The following LAMC3 variants were observed in gnomAD, a reference collection of about 807,000 sequenced individuals.
The protein encoded by LAMC3 is laminin subunit gamma-3.
A neutral mutation model predicts 173.8 loss-of-function variants in LAMC3; 128 were observed. The observed-to-expected ratio is 0.74, with a 90% CI of 0.64 to 0.85. The LOEUF is 0.85. Among genes scored for constraint, LAMC3 ranks in the 40% least tolerant of loss-of-function variants. LAMC3 has a pLI of 0.00. For missense variants in LAMC3, 2,022 were observed against 2,156.0 expected, an observed-to-expected ratio of 0.94 and a Z score of 1.23; for synonymous variants, 897 against 909.1, an observed-to-expected ratio of 0.99 and a Z score of 0.24.
At position 131,052,985 on chromosome 9, in the gene LAMC3, T is replaced by A; in HGVS notation, c.1939+20T>A. On this transcript the variant is annotated intron_variant, in intron 11 of 27. Transcript: ENST00000361069. The stretch of plus-strand genomic sequence containing the variant: ...CTGCCGGTCAGTAAAGACAACCACA[T>A]GCCCAAGACCCGAGTGCTTGCCAGG... 6.4e-7 allele frequency: 1 copy of A among 1,551,770 alleles called. No individual in the cohort carries two copies. The highest frequency in any genetic ancestry group is 8.9e-7 in the Non-Finnish European group (1 of 1,126,690).
chr9:131,054,101 C>A (rs1290782404), intron 11 of LAMC3, among the ~76,000 whole-genome samples: 2 of 152,084 alleles, frequency 1.3e-5, no homozygotes, highest in South Asian at 4.2e-4. Flanking sequence ...GGTTTTTCTA[C>A]CCTTCCAGCA....
In LAMC3 at chr9:131,068,911, CA is replaced by C; in HGVS notation, c.2753del (p.Lys918SerfsTer103). 1 of 1,614,044 alleles carries C rather than the reference CA, an allele frequency of 6.2e-7. No individual in the cohort carries two copies. Among genetic ancestry groups the C allele is most frequent in the Non-Finnish European group, 8.5e-7 (1 of 1,180,026 alleles). ...CCAGTTCCTTCCCTGATCACAGCTG[CA>C]AGTGTCACCCACTGGGCTCCCAGGA... ...LQPGRGCRSCKCHPLGSQEDQ... is the reference protein window; with the variant it reads ...LQPGRGCRSCXCHPLGSQEDQ... On this transcript the variant is annotated frameshift_variant, in exon 16 of 28. Coordinates refer to ENST00000361069, the MANE Select transcript of LAMC3 (RefSeq NM_006059.4). LOFTEE classifies it high-confidence loss of function.
rs1303924952 is a variant in LAMC3 at position 131,069,880 on chromosome 9, C to G, written c.3069+30C>G. ...GTCGGCCCAGACCCACTCACCTTTC[C>G]ATTCATTCTGTATTCCCAGCAAGTG... is the stretch of plus-strand genomic sequence containing the variant. On this transcript the variant is annotated intron_variant, in intron 17 of 27. Coordinates refer to ENST00000361069, the MANE Select transcript of LAMC3 (RefSeq NM_006059.4). The G allele has an allele frequency of 3.2e-6, 5 of 1,557,720 alleles. No homozygotes were observed. In the African/African-American group the frequency reaches 6.8e-5, roughly 21 times the overall value.
chr9:131,035,848 C>G (rs1295036033), intron 3 of LAMC3, among the ~76,000 whole-genome samples: 1 of 152,186 alleles, frequency 6.6e-6, no homozygotes, highest in Admixed American at 6.5e-5. Flanking sequence ...TGGGGCTCCT[C>G]CCAGGCAGAA....
chr9:131,052,575 C>T lies in LAMC3; in HGVS notation c.1715C>T (p.Pro572Leu), dbSNP rs761645362. Residue 572 changes from proline (P) to leucine (L), a missense_variant, in exon 10 of 28, where the codon CCT (proline) becomes CTT (leucine). Coordinates refer to ENST00000361069, the MANE Select transcript of LAMC3 (RefSeq NM_006059.4). ...FRVPPGDSPLPVQLRLEGTGL... is the reference protein window; with the variant it reads ...FRVPPGDSPLLVQLRLEGTGL... ...GTGCCCCCCGGGGACTCCCCACTCCCTGTACAGCTGAGGCTGGAAGGGACA... is the reference window on the plus strand; with the variant it reads ...GTGCCCCCCGGGGACTCCCCACTCCTTGTACAGCTGAGGCTGGAAGGGACA... The T allele has an allele frequency of 1.9e-6, 3 of 1,614,150 alleles. No homozygotes were observed. The East Asian group carries it at 6.7e-5, about 36-fold the overall frequency.
At chr9:131,053,107 A>G (rs1410262443) in intron 11 of LAMC3, 142 bp downstream of exon 11, 13 of 732,614 alleles carry the variant, frequency 1.8e-5, no homozygotes, top group Non-Finnish European at 2.9e-5. Context: ...ACCTTAGTCA[A>G]AAGTCAGGAC....
intron 1 of LAMC3, among the ~76,000 whole-genome samples, chr9:131,021,753 G>T (rs1251050028): frequency 2.0e-5 from 3 of 152,176 alleles, no homozygotes; most frequent in African/African-American, 7.2e-5. Flanking sequence ...TGACAGATTA[G>T]CTTCAAGTTC....
chr9:131,025,133 G>A (rs775344895), intron 1 of LAMC3, among the ~76,000 whole-genome samples: 5 of 152,136 alleles, frequency 3.3e-5, no homozygotes, highest in Admixed American at 6.5e-5. Context: ...TGTGGAAGGC[G>A]GCAGTTCTCC....
At position 131,081,530 on chromosome 9, in the gene LAMC3, G is replaced by T. The variant is rs1239986834; in HGVS notation, c.3928-529G>T. On this transcript the variant is annotated intron_variant, in intron 23 of 27. Coordinates refer to ENST00000361069, the MANE Select transcript of LAMC3 (RefSeq NM_006059.4). ...ATGCCACCCAGGCTGGAGTGCAGTG[G>T]CTTGATCTCCGCTCACTATAACCTC... Among the ~76,000 whole-genome samples, 3 of 147,246 alleles carry T rather than the reference G, an allele frequency of 2.0e-5. No homozygotes were observed. In the Admixed American group the frequency reaches 2.1e-4, roughly 10 times the overall value.
chr9:131,012,062 T>TACACAC (rs33965311), intron 1 of LAMC3, among the ~76,000 whole-genome samples: 30,275 of 138,302 alleles, frequency 0.22, 3,657 homozygotes, highest in East Asian at 0.42. Flanking sequence ...CACACACACA[T>TACACAC]ACACACACAC....
At chr9:131,065,252 G>A (rs150154827) in intron 13 of LAMC3, among the ~76,000 whole-genome samples, 38 of 152,256 alleles carry the variant, frequency 2.5e-4, no homozygotes, top group Admixed American at 3.9e-4. Context: ...TATGTCCAGA[G>A]TAGACCTCTA....
At position 131,027,532 on chromosome 9, in the gene LAMC3, C is replaced by G. The variant is rs561668810; in HGVS notation, c.678+943C>G. ...GAAAGCGCCTCTAGCTGCATTGTCC[C>G]ATGTGGTGCCACCAGCCACCATGAG... On this transcript the variant is annotated intron_variant, in intron 2 of 27. Coordinates refer to ENST00000361069, the MANE Select transcript of LAMC3 (RefSeq NM_006059.4). Among the ~76,000 whole-genome samples, 924 of 152,284 alleles carry G rather than the reference C, an allele frequency of 6.1e-3. 9 individuals are homozygous for G. The highest frequency in any genetic ancestry group is 0.022 in the African/African-American group (903 of 41,560).
intron 2 of LAMC3, among the ~76,000 whole-genome samples, chr9:131,031,303 TTTCCCCGAC>T (rs988294153): frequency 6.6e-6 from 1 of 152,104 alleles, no homozygotes; most frequent in African/African-American, 2.4e-5. Flanking sequence ...TCACGTGGGT[TTTCCCCGAC>T]TTCCCCTCCA....
chr9:131,065,202 G>A (rs373698005), intron 13 of LAMC3, among the ~76,000 whole-genome samples: 1 of 152,332 alleles, frequency 6.6e-6, no homozygotes, highest in African/African-American at 2.4e-5. Context: ...CTGACACCAT[G>A]TGAAGCACTT....
intron 11 of LAMC3, among the ~76,000 whole-genome samples, chr9:131,056,412 A>G (rs1390612842): frequency 6.6e-6 from 1 of 151,694 alleles, no homozygotes; most frequent in Non-Finnish European, 1.5e-5. Flanking sequence ...GTGGATGGAT[A>G]TCTTTCCATA....
Position 131,069,154 on chromosome 9 carries a change from C to A in LAMC3, c.2890+104C>A, listed in dbSNP as rs1829995706. On this transcript the variant is annotated intron_variant, in intron 16 of 27. Transcript: ENST00000361069. The stretch of plus-strand genomic sequence containing the variant: ...AATGGGCGCAGCAGGAAAGGATCGT[C>A]AGACATGGGACAGGGTCCCGAGAGC... 5 of 1,352,858 alleles carry A rather than the reference C, an allele frequency of 3.7e-6. No individual in the cohort carries two copies. In the Admixed American group the frequency reaches 8.8e-5, roughly 24 times the overall value. The allele number at this position is 1,352,858 out of a possible 1,614,324, so 83.8% of individuals were successfully genotyped here.
intron 1 of LAMC3, among the ~76,000 whole-genome samples, chr9:131,016,016 G>A (rs1300087963): frequency 6.6e-6 from 1 of 152,208 alleles, no homozygotes; most frequent in Non-Finnish European, 1.5e-5. Flanking sequence ...ACCGAGGGGT[G>A]AATGATGAGC....
chr9:131,069,255 G>A (rs1004967791), intron 16 of LAMC3, among the ~76,000 whole-genome samples: 1 of 152,208 alleles, frequency 6.6e-6, no homozygotes, highest in African/African-American at 2.4e-5. Flanking sequence ...AGCAGTGGGT[G>A]CAGGGCTGTG....
At chr9:131,066,018 C>T (rs1829925819) in intron 13 of LAMC3, among the ~76,000 whole-genome samples, 1 of 152,100 alleles carries the variant, frequency 6.6e-6, no homozygotes, top group African/African-American at 2.4e-5. Flanking sequence ...TGTGGCGAAA[C>T]CCCATCTCTA....
Sources: allele counts gnomAD v4.1 joint callset (sites outside exome capture counted in the v4.1 genomes callset), GRCh38; gene constraint gnomAD v4.1.1; transcripts MANE v1.5; gene names NCBI Gene and HGNC (gene_info 2026-07-23, HGNC 2026-07-21).